The following ZDHHC14 variants were observed in gnomAD, a reference collection of about 807,000 sequenced individuals.
ZDHHC14 encodes the protein zDHHC palmitoyltransferase 14, also known as palmitoyltransferase ZDHHC14.
ZDHHC14 carries 16 observed loss-of-function variants against 47.7 expected under a neutral mutation model. The ratio of observed to expected loss-of-function variants is 0.34; its 90% CI spans 0.23 to 0.51. ZDHHC14 has a LOEUF of 0.51. Among genes scored for constraint, ZDHHC14 ranks in the 20% least tolerant of loss-of-function variants. The pLI is 0.97. For missense variants in ZDHHC14, 515 were observed against 662.5 expected (o/e 0.78, Z 2.44); for synonymous variants, 293 against 278.9 (o/e 1.05, Z -0.50).
intron 2 of ZDHHC14, among the ~76,000 whole-genome samples, chr6:157,556,468 T>C (rs1373613972): frequency 6.6e-6 from 1 of 152,154 alleles, no homozygotes; most frequent in Non-Finnish European, 1.5e-5. Context: ...AGAGCACAGC[T>C]CAAAGGCCTG....
chr6:157,645,708 C>A (rs1450262944), intron 5 of ZDHHC14, 29 bp from the exon 6 acceptor site: 1 of 1,600,590 alleles, frequency 6.2e-7, no homozygotes, highest in Non-Finnish European at 8.5e-7. Flanking sequence ...CGGTCCCTCA[C>A]TTCCGCTTGC....
intron 1 of ZDHHC14, among the ~76,000 whole-genome samples, chr6:157,512,024 G>A (rs1003087670): frequency 2.6e-5 from 4 of 152,204 alleles, no homozygotes; most frequent in Non-Finnish European, 4.4e-5. Context: ...AACTGGAACG[G>A]TGAAGAAGGT....
chr6:157,531,317 G>C (rs2114783484), intron 1 of ZDHHC14, among the ~76,000 whole-genome samples: 1 of 152,126 alleles, frequency 6.6e-6, no homozygotes, highest in South Asian at 2.1e-4. Context: ...CCGTTCCAGA[G>C]TCCAGTCCAG....
intron 5 of ZDHHC14, among the ~76,000 whole-genome samples, chr6:157,642,923 G>A (rs1004720921): frequency 6.6e-6 from 1 of 152,260 alleles, no homozygotes; most frequent in African/African-American, 2.4e-5. Context: ...GAAGCAGGGG[G>A]TTGGGGTAGG....
chr6:157,645,471 T>A (rs1400493821), intron 5 of ZDHHC14, among the ~76,000 whole-genome samples: 1 of 151,786 alleles, frequency 6.6e-6, no homozygotes, highest in East Asian at 1.9e-4. Context: ...AAGAAGTGAG[T>A]AGGTGATGCC....
chr6:157,499,293 G>T (rs1780139831), intron 1 of ZDHHC14, among the ~76,000 whole-genome samples: 1 of 152,162 alleles, frequency 6.6e-6, no homozygotes, highest in African/African-American at 2.4e-5. Context: ...GAAAGTCCAA[G>T]ATCAAGAGTC....
chr6:157,612,419 C>T (rs1021739942), intron 3 of ZDHHC14, among the ~76,000 whole-genome samples: 2 of 152,200 alleles, frequency 1.3e-5, no homozygotes, highest in East Asian at 1.9e-4. Flanking sequence ...CGGCTTGCAC[C>T]GTAGTCCTGC....
chr6:157,616,563 G>T (rs1007221958), intron 3 of ZDHHC14, among the ~76,000 whole-genome samples: 2 of 152,132 alleles, frequency 1.3e-5, no homozygotes, highest in African/African-American at 4.8e-5. Context: ...AGCAGGAAAG[G>T]CTGCCAGGCC....
chr6:157,453,528 C>A (rs968189079), intron 1 of ZDHHC14, among the ~76,000 whole-genome samples: 7 of 152,196 alleles, frequency 4.6e-5, no homozygotes, highest in African/African-American at 1.4e-4. Context: ...ATAAAAGACC[C>A]TCTACTAATC....
At chr6:157,391,893 T>C (rs1777425841) in intron 1 of ZDHHC14, among the ~76,000 whole-genome samples, 1 of 152,256 alleles carries the variant, frequency 6.6e-6, no homozygotes, top group South Asian at 2.1e-4. Flanking sequence ...CTCGGATTCA[T>C]TTATGTTTTT....
intron 1 of ZDHHC14, among the ~76,000 whole-genome samples, chr6:157,481,912 T>C (rs1450461625): frequency 3.9e-5 from 6 of 152,216 alleles, no homozygotes; most frequent in Non-Finnish European, 7.3e-5. Flanking sequence ...GGTGCATGGC[T>C]GGGTCCTGAA....
At chr6:157,488,349 A>C (rs1246029985) in intron 1 of ZDHHC14, among the ~76,000 whole-genome samples, 3 of 152,184 alleles carry the variant, frequency 2.0e-5, no homozygotes, top group African/African-American at 7.2e-5. Flanking sequence ...AACTCAATCG[A>C]GGATTTCAGG....
At chr6:157,434,223 T>TATATATATATATAC (rs772370490) in intron 1 of ZDHHC14, among the ~76,000 whole-genome samples, 51 of 150,160 alleles carry the variant, frequency 3.4e-4, no homozygotes, top group Non-Finnish European at 6.7e-4. Flanking sequence ...TAATTTTATA[T>TATATATATATATAC]ATATATATAT....
At position 157,463,519 on chromosome 6, in the gene ZDHHC14, G is replaced by T. The variant is rs1052756426; in HGVS notation, c.246-79066G>T. On this transcript the variant is annotated intron_variant, in intron 1 of 8. Transcript: ENST00000359775. This position sits in a 1 kb window ranked among gnomAD's most constrained non-coding sequence, Gnocchi z 4.4. ...TCACCCCCAACTCTTCACCAGAGGG[G>T]TTGACAGTGACTGAGCCTACAGGAA... Among the ~76,000 whole-genome samples, 1 of 152,160 alleles carries T rather than the reference G, an allele frequency of 6.6e-6. No homozygotes were observed. The highest frequency in any genetic ancestry group is 1.5e-5 in the Non-Finnish European group (1 of 68,032).
At chr6:157,633,675 G>A (rs184752953) in intron 5 of ZDHHC14, among the ~76,000 whole-genome samples, 3 of 152,126 alleles carry the variant, frequency 2.0e-5, no homozygotes, top group South Asian at 2.1e-4. Flanking sequence ...GGAATTATTC[G>A]TTTTTGTTTG....
intron 1 of ZDHHC14, among the ~76,000 whole-genome samples, chr6:157,519,019 C>T (rs562103596): frequency 6.6e-6 from 1 of 152,312 alleles, no homozygotes; most frequent in South Asian, 2.1e-4. Flanking sequence ...CCTTACGCCT[C>T]TGCCATTTTC....
At chr6:157,410,942 G>A (rs561019458) in intron 1 of ZDHHC14, among the ~76,000 whole-genome samples, 43 of 152,272 alleles carry the variant, frequency 2.8e-4, no homozygotes, top group African/African-American at 8.9e-4. Context: ...TGATCTGCCC[G>A]CTTCATCCTC....
At chr6:157,622,216 C>CAAAAAAAAAA (rs35681787) in intron 3 of ZDHHC14, among the ~76,000 whole-genome samples, 42 of 93,766 alleles carry the variant, frequency 4.5e-4, no homozygotes, top group African/African-American at 6.4e-4. Flanking sequence ...ACTAAAAATA[C>CAAAAAAAAAA]AAAAAAAAAA....
intron 2 of ZDHHC14, among the ~76,000 whole-genome samples, chr6:157,583,092 T>C (rs1393523052): frequency 6.6e-6 from 1 of 152,076 alleles, no homozygotes; most frequent in Admixed American, 6.5e-5. Context: ...TTTTTTATAA[T>C]GACTGTTTCA....
Sources: allele counts gnomAD v4.1 joint callset (sites outside exome capture counted in the v4.1 genomes callset), GRCh38; gene constraint gnomAD v4.1.1; non-coding constraint Gnocchi (gnomAD v3.1); transcripts MANE v1.5; gene names NCBI Gene and HGNC (gene_info 2026-07-23, HGNC 2026-07-21).